LINGO2: variants seen among roughly 807,000 people sequenced by gnomAD.
The protein encoded by LINGO2 is leucine-rich repeat and immunoglobulin-like domain-containing nogo receptor-interacting protein 2.
A neutral mutation model predicts 30.6 loss-of-function variants in LINGO2; 14 were observed. The observed-to-expected ratio is 0.46, with a 90% CI of 0.30 to 0.72. The LOEUF (loss-of-function observed/expected upper bound fraction) is 0.72. Among genes scored for constraint, LINGO2 ranks in the 30% least tolerant of loss-of-function variants. LINGO2 has a pLI of 0.07. For synonymous variants in LINGO2, 317 were observed against 288.5 expected, an observed-to-expected ratio of 1.10 and a Z score of -1.00; for missense variants, 729 against 751.7, an observed-to-expected ratio of 0.97 and a Z score of 0.35.
At chr9:28,900,073 G>T in the LINGO2 span, among the ~76,000 whole-genome samples, 1 of 152,288 alleles carries the variant, frequency 6.6e-6, no homozygotes, top group East Asian at 1.9e-4. Context: ...ACAGGCTCCA[G>T]GCTGGTCCTC....
intron 2 of LINGO2, among the ~76,000 whole-genome samples, chr9:28,405,711 A>G (rs1358411312): frequency 1.3e-5 from 2 of 152,206 alleles, no homozygotes; most frequent in Non-Finnish European, 2.9e-5. Flanking sequence ...TGTTTTTAGA[A>G]TAAGACAAAC....
chr9:28,544,339 T>C (rs966353295), intron 1 of LINGO2, among the ~76,000 whole-genome samples: 2 of 152,166 alleles, frequency 1.3e-5, no homozygotes, highest in African/African-American at 4.8e-5. Flanking sequence ...AAAACTACTG[T>C]ATCTGGAAAT....
At chr9:28,911,968 T>C in the LINGO2 span, among the ~76,000 whole-genome samples, 254 of 152,226 alleles carry the variant, frequency 1.7e-3, 1 homozygote, top group Non-Finnish European at 3.1e-3. Context: ...TTTTTCTATA[T>C]TGAAGATATA....
intron 1 of LINGO2, among the ~76,000 whole-genome samples, chr9:28,644,536 T>C (rs540588845): frequency 6.7e-6 from 1 of 149,692 alleles, no homozygotes; most frequent in Non-Finnish European, 1.5e-5. Flanking sequence ...GGAAGGGTAG[T>C]AGGGGGAGGG....
intron 1 of LINGO2, among the ~76,000 whole-genome samples, chr9:28,596,749 C>A (rs190655768): frequency 2.0e-5 from 3 of 152,110 alleles, no homozygotes; most frequent in Non-Finnish European, 4.4e-5. Flanking sequence ...ACATAATATA[C>A]ATCATTATCT....
intron 2 of LINGO2, among the ~76,000 whole-genome samples, chr9:28,373,659 G>C (rs776528547): frequency 3.3e-5 from 5 of 152,090 alleles, no homozygotes; most frequent in Non-Finnish European, 7.3e-5. Context: ...GAGCACTTTG[G>C]GAGGCTGAGG....
the LINGO2 span, among the ~76,000 whole-genome samples, chr9:28,990,059 T>C: frequency 3.3e-5 from 5 of 152,160 alleles, no homozygotes; most frequent in African/African-American, 1.2e-4. Context: ...GTGGTTGCAG[T>C]GCACCATGCG....
intron 4 of LINGO2, among the ~76,000 whole-genome samples, chr9:28,205,479 C>T (rs1046746048): frequency 2.6e-5 from 4 of 152,168 alleles, no homozygotes; most frequent in African/African-American, 7.2e-5. Context: ...TTATCAACAC[C>T]TGATATTAAC....
chr9:28,563,278 T>A (rs539514741), intron 1 of LINGO2, among the ~76,000 whole-genome samples: 6 of 152,256 alleles, frequency 3.9e-5, no homozygotes, highest in Admixed American at 3.9e-4. Flanking sequence ...ACTGTCTACT[T>A]TTTTATACTA....
the LINGO2 span, among the ~76,000 whole-genome samples, chr9:29,105,232 AT>A: frequency 6.6e-6 from 1 of 152,224 alleles, no homozygotes; most frequent in African/African-American, 2.4e-5. Flanking sequence ...GGTAAATAAC[AT>A]GTTTAAGAAA....
chr9:28,297,999 C>A (rs1337289056), intron 3 of LINGO2, among the ~76,000 whole-genome samples: 1 of 152,066 alleles, frequency 6.6e-6, no homozygotes, highest in African/African-American at 2.4e-5. Context: ...AAAGGAGATA[C>A]AAAATTAAAT....
chr9:28,442,696 G>A (rs541570406), intron 2 of LINGO2, among the ~76,000 whole-genome samples: 2 of 152,224 alleles, frequency 1.3e-5, no homozygotes, highest in African/African-American at 2.4e-5. Context: ...GAGAGCCAGA[G>A]GCTTCTGCTA....
chr9:28,909,351 A>C, the LINGO2 span, among the ~76,000 whole-genome samples: 1 of 151,982 alleles, frequency 6.6e-6, no homozygotes, highest in Non-Finnish European at 1.5e-5. Flanking sequence ...TAAAGTTACT[A>C]TTCTATCACT....
At chr9:28,842,824 C>A in the LINGO2 span, among the ~76,000 whole-genome samples, 1 of 151,764 alleles carries the variant, frequency 6.6e-6, no homozygotes, top group African/African-American at 2.4e-5. Flanking sequence ...ACACTAATCC[C>A]ATCTCTCTGA....
At chr9:28,267,819 A>C (rs906719988) in intron 4 of LINGO2, among the ~76,000 whole-genome samples, 8 of 151,980 alleles carry the variant, frequency 5.3e-5, no homozygotes, top group Non-Finnish European at 1.2e-4. Context: ...ACAGCATCTA[A>C]CAGCAGGAGC....
intron 1 of LINGO2, among the ~76,000 whole-genome samples, chr9:28,521,238 ATAAT>A (rs1029752562): frequency 2.0e-5 from 3 of 152,198 alleles, no homozygotes; most frequent in African/African-American, 7.2e-5. Context: ...GCTATTTTTG[ATAAT>A]TAAGAGGGCA....
Position 28,555,422 on chromosome 9 carries a change from A to T in LINGO2, c.-364-79397T>A, listed in dbSNP as rs1398308853. Among the ~76,000 whole-genome samples, 4 of 151,522 alleles carry T rather than the reference A, an allele frequency of 2.6e-5. No individual in the cohort carries two copies. In the East Asian group the frequency reaches 7.9e-4, roughly 30 times the overall value. ...AAGAAATGGATAAATTCCTTGACACATACACTCTCCCAAGACTAAACCAGG... is the reference window on the plus strand; with the variant it reads ...AAGAAATGGATAAATTCCTTGACACTTACACTCTCCCAAGACTAAACCAGG... On this transcript the variant is annotated intron_variant, in intron 1 of 5. Coordinates refer to ENST00000379992, the Ensembl canonical transcript of LINGO2.
chr9:28,486,324 G>A (rs1826161859), intron 1 of LINGO2, among the ~76,000 whole-genome samples: 1 of 152,126 alleles, frequency 6.6e-6, no homozygotes, highest in Non-Finnish European at 1.5e-5. Flanking sequence ...AGTAAATGTA[G>A]GTCGTTATGT....
At position 28,172,166 on chromosome 9, in the gene LINGO2, C is replaced by T. The variant is rs866419091; in HGVS notation, c.-87+123042G>A. On this transcript the variant is annotated intron_variant, in intron 4 of 5. Transcript: ENST00000379992. Reference sequence around the variant, plus strand: ...CAGCACTTTGGGAGGCCGAGGCGGGCGGATCACGAGGTCAGGAGATCGAGA... The same window carrying T: ...CAGCACTTTGGGAGGCCGAGGCGGGTGGATCACGAGGTCAGGAGATCGAGA... 4.7e-3 allele frequency among the ~76,000 whole-genome samples: 713 copies of T among 151,058 alleles called. 9 individuals carry two copies. Among genetic ancestry groups the T allele is most frequent in the African/African-American group, 0.016 (647 of 41,172 alleles).
Sources: gnomAD v4.1 joint callset for allele counts (sites outside exome capture counted in the v4.1 genomes callset) on GRCh38, gnomAD v4.1.1 for gene constraint, MANE v1.5 for transcripts, NCBI Gene and HGNC (gene_info 2026-07-23, HGNC 2026-07-21) for gene names.